Variants in EPHA6 observed in about 807,000 individuals in gnomAD.
The protein encoded by EPHA6 is EPH receptor A6.
EPHA6 carries 50 observed loss-of-function variants against 112.0 expected under a neutral mutation model. The ratio of observed to expected loss-of-function variants is 0.45; its 90% CI spans 0.36 to 0.56. EPHA6 has a LOEUF of 0.56. Among genes scored for constraint, EPHA6 ranks in the 20% least tolerant of loss-of-function variants. EPHA6 has a pLI of 0.00. For synonymous variants in EPHA6, 529 were observed against 490.7 expected (o/e 1.08, Z -1.03); for missense variants, 1,280 against 1,417.4 (o/e 0.90, Z 1.56).
At chr3:97,336,721 C>A (rs1303470329) in intron 5 of EPHA6, among the ~76,000 whole-genome samples, 1 of 152,056 alleles carries the variant, frequency 6.6e-6, no homozygotes, top group Non-Finnish European at 1.5e-5. Flanking sequence ...AATTCTATTG[C>A]ATTTTTACAA....
At position 97,075,100 on chromosome 3, in the gene EPHA6, G is replaced by A. The variant is rs78759739; in HGVS notation, c.1114+87107G>A. Among the ~76,000 whole-genome samples the A allele has an allele frequency of 9.2e-5, 14 of 151,860 alleles. No homozygotes were observed. The East Asian group carries it at 2.7e-3, about 29-fold the overall frequency. The stretch of plus-strand genomic sequence containing the variant: ...TACTTGCAGCTTCTTGCAAAACAAT[G>A]GAATTATATTAGTTAGTAGAGGAAA... On this transcript the variant is annotated intron_variant, in intron 3 of 17. Transcript: ENST00000389672.
intron 5 of EPHA6, chr3:97,244,566 A>G (rs2078934550): frequency 2.4e-6 from 1 of 409,668 alleles, no homozygotes; most frequent in African/African-American, 2.0e-5. Flanking sequence ...TTAATGAGTA[A>G]GTCCATATTA....
At chr3:97,525,466 A>C (rs1281486290) in intron 10 of EPHA6, among the ~76,000 whole-genome samples, 4 of 152,184 alleles carry the variant, frequency 2.6e-5, no homozygotes, top group Non-Finnish European at 4.4e-5. Context: ...AGCATTTTGA[A>C]TCCTTTTTCC....
chr3:97,570,399 T>G (rs556035636), intron 11 of EPHA6, among the ~76,000 whole-genome samples: 42 of 152,094 alleles, frequency 2.8e-4, no homozygotes, highest in Non-Finnish European at 5.6e-4. Context: ...GCCTTAAACA[T>G]TAGGTTTATA....
At chr3:97,046,426 A>G (rs1174911738) in intron 3 of EPHA6, among the ~76,000 whole-genome samples, 2 of 152,212 alleles carry the variant, frequency 1.3e-5, no homozygotes, top group South Asian at 4.1e-4. Flanking sequence ...TCCTTAAAAC[A>G]GTAAAGGATA....
At chr3:97,339,903 A>G (rs981633553) in intron 5 of EPHA6, among the ~76,000 whole-genome samples, 1 of 152,156 alleles carries the variant, frequency 6.6e-6, no homozygotes, top group African/African-American at 2.4e-5. Context: ...AACAGAATTG[A>G]GCTCTGGTAG....
chr3:96,925,535 C>T (rs2107641071), intron 2 of EPHA6, among the ~76,000 whole-genome samples: 2 of 149,108 alleles, frequency 1.3e-5, no homozygotes, highest in Non-Finnish European at 3.0e-5. Context: ...CTTTAGTCTT[C>T]TTTATTAGTC....
At chr3:96,868,344 T>C (rs1242571046) in intron 2 of EPHA6, among the ~76,000 whole-genome samples, 1 of 151,774 alleles carries the variant, frequency 6.6e-6, no homozygotes, top group East Asian at 1.9e-4. Context: ...CTTAATGCTA[T>C]TTATAGGTTA....
chr3:97,292,602 C>T (rs1478345502), intron 5 of EPHA6, among the ~76,000 whole-genome samples: 1 of 152,218 alleles, frequency 6.6e-6, no homozygotes, highest in Non-Finnish European at 1.5e-5. Context: ...GGCAGGTTGT[C>T]CCAGCAAGCA....
chr3:97,639,926 A>C lies in EPHA6; in HGVS notation c.2784+1844A>C, dbSNP rs373190264. On this transcript the variant is annotated intron_variant, in intron 14 of 17. Transcript: ENST00000389672. ...TAAGTCTCTGAATTTAGAAGGTATC[A>C]ATTAAATGGCAAATAATATAATCAA... 1.4e-4 allele frequency among the ~76,000 whole-genome samples: 21 copies of C among 150,940 alleles called. No homozygotes were observed. In the South Asian group the frequency reaches 4.5e-3, roughly 32 times the overall value.
At chr3:96,838,006 A>G (rs1260963414) in intron 1 of EPHA6, among the ~76,000 whole-genome samples, 1 of 151,998 alleles carries the variant, frequency 6.6e-6, no homozygotes, top group Non-Finnish European at 1.5e-5. Context: ...TCCATTAGCT[A>G]TTCTTCCTAG....
At chr3:96,840,301 G>T (rs1259271776) in intron 1 of EPHA6, among the ~76,000 whole-genome samples, 1 of 152,024 alleles carries the variant, frequency 6.6e-6, no homozygotes, top group Non-Finnish European at 1.5e-5. Context: ...ACCTCTTGGG[G>T]GTGGATTTGG....
At chr3:97,054,589 T>C (rs1329356513) in intron 3 of EPHA6, among the ~76,000 whole-genome samples, 1 of 152,136 alleles carries the variant, frequency 6.6e-6, no homozygotes, top group Non-Finnish European at 1.5e-5. Flanking sequence ...AATGTCCACT[T>C]TCTAAGTCAT....
At chr3:97,594,662 G>A (rs918209201) in intron 12 of EPHA6, among the ~76,000 whole-genome samples, 8 of 151,820 alleles carry the variant, frequency 5.3e-5, no homozygotes, top group African/African-American at 1.7e-4. Context: ...TTTATATTTT[G>A]TGTAAAGAGG....
At chr3:96,883,501 T>C (rs2037441533) in intron 2 of EPHA6, among the ~76,000 whole-genome samples, 1 of 152,214 alleles carries the variant, frequency 6.6e-6, no homozygotes, top group Admixed American at 6.5e-5. Flanking sequence ...AGCCAATGTC[T>C]AGAAGGGTTT....
chr3:97,393,649 A>G (rs1465948950), intron 5 of EPHA6, among the ~76,000 whole-genome samples: 2 of 151,746 alleles, frequency 1.3e-5, no homozygotes, highest in African/African-American at 4.8e-5. Flanking sequence ...TCAAGCTACC[A>G]GCATCTCACT....
intron 4 of EPHA6, among the ~76,000 whole-genome samples, chr3:97,227,759 A>T (rs1440666858): frequency 2.0e-5 from 3 of 152,210 alleles, no homozygotes; most frequent in African/African-American, 7.2e-5. Context: ...ATGTACAAAA[A>T]AATGGCCATG....
At chr3:97,142,021 G>A (rs867258007) in intron 3 of EPHA6, among the ~76,000 whole-genome samples, 23 of 151,904 alleles carry the variant, frequency 1.5e-4, no homozygotes, top group Admixed American at 5.3e-4. Context: ...TTGGAAACAA[G>A]ACATCATTCT....
intron 5 of EPHA6, among the ~76,000 whole-genome samples, chr3:97,344,053 G>A (rs901686695): frequency 2.6e-5 from 4 of 152,052 alleles, no homozygotes; most frequent in Admixed American, 6.6e-5. Flanking sequence ...ATTACGTTTC[G>A]GAAGCACATA....
Sources: allele counts gnomAD v4.1 joint callset (sites outside exome capture counted in the v4.1 genomes callset), GRCh38; gene constraint gnomAD v4.1.1; transcripts MANE v1.5; gene names NCBI Gene and HGNC (gene_info 2026-07-23, HGNC 2026-07-21).